Variants in KIF3A observed in about 807,000 individuals in gnomAD.
The protein encoded by KIF3A is kinesin family member 3A, also known as kinesin-like protein KIF3A.
In KIF3A, 27 loss-of-function variants were observed where a neutral mutation model predicts 92.6. The observed-to-expected ratio is 0.29, with a 90% confidence interval of 0.21 to 0.40. The LOEUF (loss-of-function observed/expected upper bound fraction) is 0.40, where lower values mean the gene tolerates loss of function less well. Among genes scored for constraint, KIF3A ranks in the 10% least tolerant of loss-of-function variants. KIF3A has a pLI of 1.00. For synonymous variants in KIF3A, 250 were observed against 275.4 expected, an observed-to-expected ratio of 0.91 and a Z score of 0.92; for missense variants, 581 against 872.6, an observed-to-expected ratio of 0.67 and a Z score of 4.21.
At position 132,702,639 on chromosome 5, in the gene KIF3A, A is replaced by G. The variant is rs1489325274; in HGVS notation, c.1677T>C (p.Tyr559=). The part of the protein sequence containing the change: ...EQERLDIEEK[Y]TSLQEEAQGK... ...CCTGTGCTTCCTCTTGCAAACTGGT[A>G]TATTTTTCTTCAATATCCAAGCGTT... Residue 559 remains tyrosine (Y), a synonymous_variant, in exon 14 of 19, where the codon TAT becomes TAC. Transcript: ENST00000403231. 5 of 1,612,660 alleles carry G rather than the reference A, an allele frequency of 3.1e-6. No homozygotes were observed. In the East Asian group the frequency reaches 8.9e-5, roughly 29 times the overall value.
At chr5:132,727,716 T>A (rs1379104907) in intron 2 of KIF3A, among the ~76,000 whole-genome samples, 1 of 152,180 alleles carries the variant, frequency 6.6e-6, no homozygotes, top group Non-Finnish European at 1.5e-5. Context: ...AGTGACATCA[T>A]GATCACTATG....
At chr5:132,712,898 G>A (rs1753477588) in intron 8 of KIF3A, among the ~76,000 whole-genome samples, 1 of 152,314 alleles carries the variant, frequency 6.6e-6, no homozygotes, top group Non-Finnish European at 1.5e-5. Flanking sequence ...GGTGGCTCAC[G>A]CCTGTAGTCC....
intron 9 of KIF3A, among the ~76,000 whole-genome samples, chr5:132,709,226 C>A (rs1177893745): frequency 6.6e-6 from 1 of 152,114 alleles, no homozygotes; most frequent in Non-Finnish European, 1.5e-5. Flanking sequence ...GTGGGCAGAT[C>A]CTACTGGTCA....
intron 9 of KIF3A, among the ~76,000 whole-genome samples, chr5:132,710,585 C>T (rs981912734): frequency 1.3e-5 from 2 of 152,202 alleles, no homozygotes; most frequent in African/African-American, 4.8e-5. Flanking sequence ...CACTGCACTC[C>T]AGCCTGGGCG....
rs966842423 is a variant in KIF3A, at chr5:132,692,958, C to G, written c.*3676G>C. ...AGGAAATTGGGCAGACATTGGTGTA[C>G]TTAAATGTAAACGCTACCCATTCCT... is the stretch of plus-strand genomic sequence containing the variant. On this transcript the variant is annotated 3_prime_UTR_variant, in exon 19 of 19. Transcript: ENST00000403231. 8 of 152,492 alleles carry G rather than the reference C, an allele frequency of 5.2e-5. No homozygotes were observed. The highest frequency in any genetic ancestry group is 5.9e-5 in the Non-Finnish European group (4 of 68,014). 9.4% of individuals were successfully genotyped at this position (152,492 alleles called of 1,614,324 possible).
chr5:132,723,298 A>G (rs1753889566), intron 4 of KIF3A: 1 of 152,230 alleles, frequency 6.6e-6, no homozygotes, highest in South Asian at 2.1e-4. Context: ...GGAAAAAACT[A>G]CTTTAAAGTT....
chr5:132,717,586 T>C (rs909612263), intron 5 of KIF3A, among the ~76,000 whole-genome samples: 2 of 151,256 alleles, frequency 1.3e-5, no homozygotes, highest in African/African-American at 4.9e-5. Flanking sequence ...ACATATAAAT[T>C]AAAAATAAAA....
intron 4 of KIF3A, among the ~76,000 whole-genome samples, chr5:132,725,431 C>T (rs1026039985): frequency 1.3e-5 from 2 of 151,926 alleles, no homozygotes; most frequent in African/African-American, 4.8e-5. Context: ...AAGTGGATAC[C>T]ATTATTATTT....
chr5:132,696,521 T>C lies in KIF3A; in HGVS notation c.*113A>G, dbSNP rs574008530. On this transcript the variant is annotated 3_prime_UTR_variant, in exon 19 of 19. Transcript: ENST00000403231. ...TATTATTTCCAGTCTTATTCATTGA[T>C]CTACAACTTCCATTAATTGAAATTA... 1 of 696,038 alleles carries C rather than the reference T, an allele frequency of 1.4e-6. No individual in the cohort carries two copies. Among genetic ancestry groups the C allele is most frequent in the South Asian group, 1.8e-5 (1 of 55,848 alleles). The allele number at this position is 696,038 out of a possible 1,614,324, so 43.1% of individuals were successfully genotyped here.
intron 1 of KIF3A, among the ~76,000 whole-genome samples, chr5:132,735,555 A>T (rs1344916787): frequency 6.6e-6 from 1 of 152,230 alleles, no homozygotes; most frequent in Admixed American, 6.5e-5. Flanking sequence ...ACTGACAAGT[A>T]ACAGATTATA....
chr5:132,702,291 G>C, intron 14 of KIF3A, 79 bp from the exon 15 acceptor site: 1 of 1,413,522 alleles, frequency 7.1e-7, no homozygotes, highest in South Asian at 1.3e-5. Flanking sequence ...TAGGATGCTT[G>C]TCTAAGAAAC....
chr5:132,716,956 T>C lies in KIF3A; in HGVS notation c.645A>G (p.Glu215=). 9.3e-6 allele frequency: 15 copies of C among 1,613,872 alleles called. No homozygotes were observed. Among genetic ancestry groups the C allele is most frequent in the Non-Finnish European group, 1.3e-5 (15 of 1,179,830 alleles). ...AGATGGCATGGGAACGGGAACTATG[T>C]TCGTTCATATTAGTTGCACCAACAG... The part of the protein sequence containing the change: ...NRSVGATNMN[E]HSSRSHAIFT... Residue 215 remains glutamate (E), a synonymous_variant, in exon 6 of 19, where the codon GAA becomes GAG. Coordinates refer to ENST00000403231, the MANE Select transcript of KIF3A (RefSeq NM_001300791.2).
chr5:132,736,750 G>A, intron 1 of KIF3A: 1 of 466,214 alleles, frequency 2.1e-6, no homozygotes, highest in Non-Finnish European at 4.4e-6. Context: ...ATTATCCGAG[G>A]CCTCACAACC....
At chr5:132,716,770 TTTAA>T (rs1423454896) in intron 6 of KIF3A, 71 bp downstream of exon 6, 2 of 1,488,658 alleles carry the variant, frequency 1.3e-6, no homozygotes, top group African/African-American at 1.4e-5. Flanking sequence ...ACCTTTTCAC[TTTAA>T]TTTTCATTCA....
At position 132,726,403 on chromosome 5, in the gene KIF3A, A is replaced by G. The variant is rs1754034431; in HGVS notation, c.376T>C (p.Ser126Pro). The change falls in exon 3 of 19, where the codon TCA becomes CCA. Residue 126 changes from serine to proline, a missense_variant. Physicochemically the swap from Ser to Pro is moderately conservative, Grantham distance 74 (BLOSUM62 -1). Coordinates refer to ENST00000403231, the MANE Select transcript of KIF3A (RefSeq NM_001300791.2). ...ATATGACCAAATATGTGAGCAAATG[A>G]ATTGGGAATTATTCCTCTAAGTTCA... ...IPELRGIIPNSFAHIFGHIAK... is the reference protein window; with the variant it reads ...IPELRGIIPNPFAHIFGHIAK... The G allele has an allele frequency of 6.2e-7, 1 of 1,613,668 alleles. No homozygotes were observed. Among genetic ancestry groups the G allele is most frequent in the Non-Finnish European group, 8.5e-7 (1 of 1,179,756 alleles).
At chr5:132,703,385 T>C in intron 12 of KIF3A, 78 bp downstream of exon 12, 2 of 1,274,398 alleles carry the variant, frequency 1.6e-6, no homozygotes, top group Non-Finnish European at 2.2e-6. Flanking sequence ...TAATTACTAT[T>C]CAATTTTCCT....
chr5:132,702,303 T>C (rs1438231057), intron 14 of KIF3A, 91 bp from the exon 15 acceptor site: 24 of 1,227,336 alleles, frequency 2.0e-5, no homozygotes, highest in Middle Eastern at 4.0e-4. Context: ...CTAAGAAACC[T>C]TGTGAGAGCT....
chr5:132,708,038 C>G (rs1341165830), intron 10 of KIF3A, among the ~76,000 whole-genome samples: 1 of 152,126 alleles, frequency 6.6e-6, no homozygotes, highest in Non-Finnish European at 1.5e-5. Context: ...AATCCCAGCA[C>G]TTTGGGAGGC....
At chr5:132,732,162 C>CAGT (rs1462361134) in intron 2 of KIF3A, among the ~76,000 whole-genome samples, 1 of 152,160 alleles carries the variant, frequency 6.6e-6, no homozygotes, top group East Asian at 1.9e-4. Flanking sequence ...ATCAAAAAGA[C>CAGT]AGTAACAAGT....
Sources: gnomAD v4.1 joint callset for allele counts (sites outside exome capture counted in the v4.1 genomes callset) on GRCh38, gnomAD v4.1.1 for gene constraint, MANE v1.5 for transcripts, NCBI Gene and HGNC (gene_info 2026-07-23, HGNC 2026-07-21) for gene names.